SERINC5: variants seen among roughly 807,000 people sequenced by gnomAD.
The protein encoded by SERINC5 is chromosome 5 open reading frame 12.
SERINC5 carries 41 observed loss-of-function variants against 63.1 expected under a neutral mutation model. That is an observed-to-expected ratio of 0.65 (90% CI 0.51 to 0.84). The LOEUF is 0.84. Among genes scored for constraint, SERINC5 ranks in the 40% least tolerant of loss-of-function variants. The pLI, the probability that SERINC5 is intolerant of heterozygous loss-of-function variation, is 0.00. For missense variants in SERINC5, 523 were observed against 573.0 expected (o/e 0.91, Z 0.89); for synonymous variants, 222 against 215.2 (o/e 1.03, Z -0.28).
Position 80,188,698 on chromosome 5 carries a change from C to G in SERINC5, c.196-10634G>C, listed in dbSNP as rs138026960. Reference sequence around the variant, plus strand: ...CCCCGGAGTTCAAGACCAGCCTGGGCAGCACAGTGAGAGACCCCGTCTCTA... The same window carrying G: ...CCCCGGAGTTCAAGACCAGCCTGGGGAGCACAGTGAGAGACCCCGTCTCTA... On this transcript the variant is annotated intron_variant, in intron 2 of 11. Coordinates refer to ENST00000507668, the MANE Select transcript of SERINC5 (RefSeq NM_001174072.3). 3.0e-3 allele frequency among the ~76,000 whole-genome samples: 463 copies of G among 152,206 alleles called. 2 individuals are homozygous for G. Among genetic ancestry groups the G allele is most frequent in the African/African-American group, 0.011 (458 of 41,542 alleles).
intron 11 of SERINC5, among the ~76,000 whole-genome samples, chr5:80,119,265 C>T (rs909516016): frequency 6.6e-6 from 1 of 152,212 alleles, no homozygotes; most frequent in Admixed American, 6.5e-5. Context: ...CTCTTAAGAG[C>T]TGGAGTTATC....
In SERINC5 at chr5:80,124,629, G is replaced by A. The variant is rs186396687; in HGVS notation, c.1239-11004C>T. 3.9e-4 allele frequency among the ~76,000 whole-genome samples: 60 copies of A among 152,302 alleles called. 1 individual carries two copies. The highest frequency in any genetic ancestry group is 2.2e-3 in the Admixed American group (34 of 15,302). ...GACCCTAGAGCCGGAGTCTGGAAAAGCAATCCGAGCTTGGATCTTAGAAAT... is the reference window on the plus strand; with the variant it reads ...GACCCTAGAGCCGGAGTCTGGAAAAACAATCCGAGCTTGGATCTTAGAAAT... On this transcript the variant is annotated intron_variant, in intron 11 of 12. Coordinates refer to the SERINC5 transcript ENST00000509193.
At chr5:80,128,626 C>T (rs116219958) in intron 11 of SERINC5, among the ~76,000 whole-genome samples, 1,570 of 152,236 alleles carry the variant, frequency 0.01, 11 homozygotes, top group Non-Finnish European at 0.016. Context: ...TCTGTGAAAG[C>T]AAATTAGTAA....
rs562567867 is a variant in SERINC5, at chr5:80,181,728, T to G, written c.196-3664A>C. Among the ~76,000 whole-genome samples, 32 of 152,214 alleles carry G rather than the reference T, an allele frequency of 2.1e-4. 1 individual carries two copies. In the South Asian group the frequency reaches 6.6e-3, roughly 32 times the overall value. ...TTGATAAAGACTGCATCCAACCAGA[T>G]AAGTAGATAAACAAGCACAGTCTTC... On this transcript the variant is annotated intron_variant, in intron 2 of 11. Transcript: ENST00000507668.
intron 2 of SERINC5, among the ~76,000 whole-genome samples, chr5:80,183,313 G>A (rs1025938379): frequency 1.3e-5 from 2 of 152,150 alleles, no homozygotes; most frequent in South Asian, 4.1e-4. Context: ...GAGGGCAGAG[G>A]ACAGACAGCA....
chr5:80,215,673 A>C (rs887069317), intron 1 of SERINC5, among the ~76,000 whole-genome samples: 1 of 152,180 alleles, frequency 6.6e-6, no homozygotes, highest in African/African-American at 2.4e-5. Flanking sequence ...GTGAGAGATG[A>C]GTTTCTGGCA....
chr5:80,180,046 T>A (rs1196589799), intron 2 of SERINC5, among the ~76,000 whole-genome samples: 4 of 152,162 alleles, frequency 2.6e-5, no homozygotes, highest in African/African-American at 9.7e-5. Context: ...GAATTGGCTG[T>A]TAATTGGGTA....
intron 8 of SERINC5, among the ~76,000 whole-genome samples, chr5:80,151,574 AGAGG>A (rs1746183063): frequency 6.6e-6 from 1 of 152,166 alleles, no homozygotes; most frequent in Non-Finnish European, 1.5e-5. Context: ...TAATACTCTG[AGAGG>A]AAGGGGTGGA....
chr5:80,146,774 AG>A (rs1402346786), intron 10 of SERINC5, among the ~76,000 whole-genome samples: 1 of 152,184 alleles, frequency 6.6e-6, no homozygotes, highest in African/African-American at 2.4e-5. Flanking sequence ...TTATTTTAAC[AG>A]AAAGAGAACC....
At position 80,217,344 on chromosome 5, in the gene SERINC5, C is replaced by T. The variant is rs1372469962; in HGVS notation, c.28-14291G>A. 2.0e-5 allele frequency among the ~76,000 whole-genome samples: 3 copies of T among 152,186 alleles called. No homozygotes were observed. In the East Asian group the frequency reaches 5.8e-4, roughly 29 times the overall value. On this transcript the variant is annotated intron_variant, in intron 1 of 11. Coordinates refer to ENST00000507668, the MANE Select transcript of SERINC5 (RefSeq NM_001174072.3). Reference sequence around the variant, plus strand: ...GATTATGCTGCAAGGGAGAAACCTGCCAAGCCCTTTCCAAGAGGTGCTATG... The same window carrying T: ...GATTATGCTGCAAGGGAGAAACCTGTCAAGCCCTTTCCAAGAGGTGCTATG...
intron 9 of SERINC5, among the ~76,000 whole-genome samples, chr5:80,148,247 A>G (rs1378596224): frequency 1.4e-5 from 2 of 143,122 alleles, no homozygotes; most frequent in South Asian, 2.3e-4. Flanking sequence ...CTGGAGTGCA[A>G]TGGCACGATC....
At chr5:80,240,310 C>T (rs1251795265) in intron 1 of SERINC5, among the ~76,000 whole-genome samples, 1 of 152,216 alleles carries the variant, frequency 6.6e-6, no homozygotes, top group African/African-American at 2.4e-5. Flanking sequence ...AAGCCTAACT[C>T]TCCAAACCCA....
chr5:80,225,780 G>C (rs4703806), intron 1 of SERINC5, among the ~76,000 whole-genome samples: 1 of 151,918 alleles, frequency 6.6e-6, no homozygotes, highest in Non-Finnish European at 1.5e-5. Flanking sequence ...CCCTAAAGAC[G>C]GAACAAAGCC....
chr5:80,142,488 C>T lies in SERINC5; in HGVS notation c.*1175G>A, dbSNP rs184045091. On this transcript the variant is annotated 3_prime_UTR_variant, in exon 12 of 12. Coordinates refer to ENST00000507668, the MANE Select transcript of SERINC5 (RefSeq NM_001174072.3). ...ACCTCAAGTGATCCGCCTGCCTCTGCGCACCTCTTTTTAAGTATATTCGGC... is the reference window on the plus strand; with the variant it reads ...ACCTCAAGTGATCCGCCTGCCTCTGTGCACCTCTTTTTAAGTATATTCGGC... 1.8e-3 allele frequency: 1,805 copies of T among 985,152 alleles called. 2 individuals carry two copies. The highest frequency in any genetic ancestry group is 7.8e-3 in the Middle Eastern group (15 of 1,912). The allele number at this position is 985,152 out of a possible 1,614,324, so 61.0% of individuals were successfully genotyped here.
intron 5 of SERINC5, among the ~76,000 whole-genome samples, chr5:80,174,369 A>AAATAATAATAAT (rs55865818): frequency 0.24 from 32,113 of 131,398 alleles, 4,179 homozygotes; most frequent in African/African-American, 0.28. Context: ...CCCATCTCAA[A>AAATAATAATAAT]AATAATAATA....
intron 2 of SERINC5, among the ~76,000 whole-genome samples, chr5:80,197,915 C>T (rs1474903717): frequency 6.6e-6 from 1 of 152,164 alleles, no homozygotes; most frequent in Non-Finnish European, 1.5e-5. Context: ...TCTCGGCTCA[C>T]TGCAGCCTCC....
At position 80,139,511 on chromosome 5, in the gene SERINC5, G is replaced by GA. The variant is rs1206456057; in HGVS notation, c.*4151dup. On this transcript the variant is annotated 3_prime_UTR_variant, in exon 12 of 12. Transcript: ENST00000507668. ...TCTTTCTGAAAGGATTTTGCTTAAG[G>GA]AAAAAAAAAGCTCTTTGGTAAAGGC... is the stretch of plus-strand genomic sequence containing the variant. The GA allele has an allele frequency of 6.7e-5, 66 of 980,808 alleles. No homozygotes were observed. The highest frequency in any genetic ancestry group is 3.9e-5 in the Non-Finnish European group (32 of 827,604). 60.8% of individuals were successfully genotyped at this position (980,808 alleles called of 1,614,324 possible).
chr5:80,114,796 T>C (rs1262786266), intron 11 of SERINC5: 1 of 151,984 alleles, frequency 6.6e-6, no homozygotes, highest in Non-Finnish European at 1.5e-5. Context: ...TGAGATGAGA[T>C]TTGGGTGGGG....
intron 1 of SERINC5, among the ~76,000 whole-genome samples, chr5:80,215,500 C>T (rs1285726854): frequency 6.6e-6 from 1 of 152,106 alleles, no homozygotes; most frequent in Non-Finnish European, 1.5e-5. Context: ...CCTAAAAGTT[C>T]AAGAAGTTAA....
Sources: gnomAD v4.1 joint callset for allele counts (sites outside exome capture counted in the v4.1 genomes callset) on GRCh38, gnomAD v4.1.1 for gene constraint, MANE v1.5 for transcripts, NCBI Gene and HGNC (gene_info 2026-07-23, HGNC 2026-07-21) for gene names.